USP48: variants seen among roughly 807,000 people sequenced by gnomAD.
USP48 encodes ubiquitin specific peptidase 48, also known as ubiquitin carboxyl-terminal hydrolase 48.
Under a neutral mutation model 150.7 loss-of-function variants are expected in USP48, and 43 were observed. The observed-to-expected ratio is 0.29, with a 90% CI of 0.22 to 0.37. The LOEUF (loss-of-function observed/expected upper bound fraction) is 0.37, where lower values mean the gene tolerates loss of function less well. USP48 is among the 10% of genes least tolerant of loss of function. The probability of loss-of-function intolerance (pLI) is 1.00; values close to 1 mark genes in which losing one functional copy is unlikely to be tolerated. For missense variants in USP48, 813 were observed against 1,249.6 expected, an observed-to-expected ratio of 0.65 and a Z score of 5.27; for synonymous variants, 396 against 425.9, an observed-to-expected ratio of 0.93 and a Z score of 0.86.
intron 9 of USP48, among the ~76,000 whole-genome samples, chr1:21,734,608 C>G (rs1009861976): frequency 1.3e-5 from 2 of 152,184 alleles, no homozygotes; most frequent in Non-Finnish European, 2.9e-5. Context: ...AGGAGACACA[C>G]ACTTACTCCC....
intron 1 of USP48, among the ~76,000 whole-genome samples, chr1:21,770,824 A>G (rs952774431): frequency 3.8e-4 from 57 of 151,954 alleles, no homozygotes; most frequent in African/African-American, 1.4e-3. Flanking sequence ...TTCTGTATGT[A>G]AAAAAATAAA....
intron 5 of USP48, among the ~76,000 whole-genome samples, chr1:21,751,974 C>G (rs185535178): frequency 2.0e-5 from 3 of 147,160 alleles, no homozygotes; most frequent in Non-Finnish European, 3.0e-5. Context: ...GCCAAGATCA[C>G]GCCACTGCAC....
intron 1 of USP48, among the ~76,000 whole-genome samples, chr1:21,775,605 A>G (rs909390856): frequency 2.6e-5 from 4 of 152,230 alleles, no homozygotes; most frequent in African/African-American, 7.2e-5. Flanking sequence ...GTAAGGTGGC[A>G]TGACACTGGC....
intron 8 of USP48, among the ~76,000 whole-genome samples, chr1:21,742,922 C>T (rs764074785): frequency 2.6e-5 from 4 of 152,180 alleles, no homozygotes; most frequent in African/African-American, 9.7e-5. Flanking sequence ...CTATAACCAG[C>T]TCGGGTAGAG....
chr1:21,757,719 T>A lies in USP48; in HGVS notation c.199A>T (p.Ile67Leu). The change falls in exon 2 of 27, where the codon ATA (isoleucine) becomes TTA (leucine). Residue 67 changes from isoleucine to leucine, a missense_variant. Transcript: ENST00000308271. ...GIGEHIWLGE[I>L]DENSFHNIDD... ...ATGTTATGAAAACTATTTTCATCTA[T>A]TTCTCCTAACCAAATATGCTCACCA... 1 of 1,613,400 alleles carries A rather than the reference T, an allele frequency of 6.2e-7. No homozygotes were observed. Among genetic ancestry groups the A allele is most frequent in the Non-Finnish European group, 8.5e-7 (1 of 1,179,750 alleles).
rs1301469696 is a variant in USP48 at position 21,782,809 on chromosome 1, G to A, written c.134+15C>T. On this transcript the variant is annotated intron_variant, in intron 1 of 26. Transcript: ENST00000308271. The stretch of plus-strand genomic sequence containing the variant: ...CGGCGCGAGGAGCCCGCGAGGCGCG[G>A]TGCGCGGGCCTCACCTGCACACGCC... 6 of 1,517,572 alleles carry A rather than the reference G, an allele frequency of 4.0e-6. No homozygotes were observed. Among genetic ancestry groups the A allele is most frequent in the African/African-American group, 2.9e-5 (2 of 69,716 alleles). The allele number at this position is 1,517,572 out of a possible 1,614,324, so 94.0% of individuals were successfully genotyped here.
chr1:21,781,536 C>A (rs2097914524), intron 1 of USP48, among the ~76,000 whole-genome samples: 2 of 152,132 alleles, frequency 1.3e-5, no homozygotes, highest in South Asian at 4.1e-4. Context: ...GAGCTCGAGA[C>A]CAGCCTGGCC....
chr1:21,716,672 A>G (rs1179787105), intron 14 of USP48, among the ~76,000 whole-genome samples: 2 of 152,166 alleles, frequency 1.3e-5, no homozygotes, highest in Non-Finnish European at 2.9e-5. Flanking sequence ...TGTCACTATC[A>G]ATTTATAGTT....
intron 1 of USP48, among the ~76,000 whole-genome samples, chr1:21,780,382 A>G (rs7519675): frequency 0.54 from 82,458 of 151,954 alleles, 25,096 homozygotes; most frequent in East Asian, 0.75. Context: ...AGCAGTTGCC[A>G]GGGGCTGGGC....
Position 21,752,849 on chromosome 1 carries a change from T to C in USP48, c.540+143A>G, listed in dbSNP as rs1363121575. On this transcript the variant is annotated intron_variant, in intron 4 of 26. Transcript: ENST00000308271. ...GGAATCAAGTATAATGTGTAAACTA[T>C]TGGACAGTAAATAAAGGTTTTCATT... The C allele has an allele frequency of 2.1e-5, 26 of 1,251,814 alleles. 1 individual carries two copies. The Middle Eastern group carries it at 8.4e-4, about 41-fold the overall frequency. The allele number at this position is 1,251,814 out of a possible 1,614,324, so 77.5% of individuals were successfully genotyped here.
chr1:21,742,533 G>A (rs557098837), intron 8 of USP48, among the ~76,000 whole-genome samples: 1 of 125,776 alleles, frequency 8.0e-6, no homozygotes, highest in Non-Finnish European at 1.6e-5. Context: ...GACAGAGCGA[G>A]ACTCTATCTC....
chr1:21,719,581 T>G (rs1038608916), intron 14 of USP48, among the ~76,000 whole-genome samples: 33 of 152,140 alleles, frequency 2.2e-4, no homozygotes, highest in African/African-American at 7.7e-4. Flanking sequence ...TGAGGCCTTA[T>G]CTCTAGAATT....
intron 8 of USP48, among the ~76,000 whole-genome samples, chr1:21,739,933 A>G (rs1338357969): frequency 5.0e-4 from 3 of 6,052 alleles, no homozygotes; most frequent in African/African-American, 6.7e-4. Context: ...TTTTTTTGAG[A>G]TGGAGTTTGG....
In USP48 at chr1:21,759,640, G is replaced by A. The variant is rs116018959; in HGVS notation, c.135-1857C>T. On this transcript the variant is annotated intron_variant, in intron 1 of 26. Transcript: ENST00000308271. ...AAGAGCACAAGAGTTGGCTGGAAGG[G>A]GAGGTCCCACTGGTCAAATTTGGCA... is the stretch of plus-strand genomic sequence containing the variant. Among the ~76,000 whole-genome samples, 397 of 152,262 alleles carry A rather than the reference G, an allele frequency of 2.6e-3. 1 individual carries two copies. The highest frequency in any genetic ancestry group is 4.6e-3 in the Non-Finnish European group (316 of 68,020).
chr1:21,692,450 G>C (rs2097605066), intron 23 of USP48, among the ~76,000 whole-genome samples: 1 of 152,182 alleles, frequency 6.6e-6, no homozygotes, highest in Admixed American at 6.5e-5. Context: ...CTGTAAAAAT[G>C]CTTGTTCATG....
At chr1:21,764,729 A>G (rs1266301462) in intron 1 of USP48, among the ~76,000 whole-genome samples, 1 of 150,058 alleles carries the variant, frequency 6.7e-6, no homozygotes, top group Non-Finnish European at 1.5e-5. Flanking sequence ...AAAAAAAAAA[A>G]AGACTTGATT....
chr1:21,736,534 T>C lies in USP48; in HGVS notation c.1083A>G (p.Pro361=). 6.2e-7 allele frequency: 1 copy of C among 1,600,446 alleles called. No homozygotes were observed. Among genetic ancestry groups the C allele is most frequent in the Non-Finnish European group, 8.5e-7 (1 of 1,175,846 alleles). The change falls in exon 9 of 27, where the codon CCA becomes CCG. Residue 361 remains proline, a synonymous_variant. Transcript: ENST00000308271. ...SGHYIAHVKD[P]QSGEWYKFND... is the part of the protein sequence containing the mutation. ...TAAACTTATACCATTCACCAGACTGTGGATCTTTCACGTGGGCGATGTAGT... is the reference window on the plus strand; with the variant it reads ...TAAACTTATACCATTCACCAGACTGCGGATCTTTCACGTGGGCGATGTAGT...
At chr1:21,740,297 C>T (rs1269152539) in intron 8 of USP48, among the ~76,000 whole-genome samples, 1 of 152,230 alleles carries the variant, frequency 6.6e-6, no homozygotes, top group Non-Finnish European at 1.5e-5. Flanking sequence ...ATAGAGTATC[C>T]TTTCCATTTA....
At chr1:21,687,596 G>A (rs2097583324) in intron 24 of USP48, among the ~76,000 whole-genome samples, 1 of 152,172 alleles carries the variant, frequency 6.6e-6, no homozygotes, top group Non-Finnish European at 1.5e-5. Context: ...GCAGTGAGGG[G>A]TACAAATAAA....
Sources: allele counts gnomAD v4.1 joint callset (sites outside exome capture counted in the v4.1 genomes callset), GRCh38; gene constraint gnomAD v4.1.1; transcripts MANE v1.5; gene names NCBI Gene and HGNC (gene_info 2026-07-23, HGNC 2026-07-21).